RALY: variants seen among roughly 807,000 people sequenced by gnomAD.
RALY encodes the protein RNA-binding protein Raly.
Under a neutral mutation model 30.7 loss-of-function variants are expected in RALY, and 15 were observed. The ratio of observed to expected loss-of-function variants is 0.49; its 90% CI spans 0.33 to 0.75. RALY has a LOEUF of 0.75. Among genes scored for constraint, RALY ranks in the 30% least tolerant of loss-of-function variants. RALY has a pLI of 0.02. For missense variants in RALY, 339 were observed against 414.3 expected (o/e 0.82, Z 1.58); for synonymous variants, 177 against 170.8 (o/e 1.04, Z -0.28).
intron 1 of RALY, among the ~76,000 whole-genome samples, chr20:34,010,214 C>G (rs564734372): frequency 6.6e-6 from 1 of 151,976 alleles, no homozygotes; most frequent in African/African-American, 2.4e-5. Flanking sequence ...GAATCAAAAC[C>G]GTTTTACTTA....
intron 1 of RALY, among the ~76,000 whole-genome samples, chr20:33,995,439 C>T (rs2030569982): frequency 6.6e-6 from 1 of 152,214 alleles, no homozygotes. Context: ...CTCAAGTCAT[C>T]TGCCTTCAAA....
chr20:34,038,917 T>C (rs1478769642), intron 2 of RALY, among the ~76,000 whole-genome samples: 3 of 152,154 alleles, frequency 2.0e-5, no homozygotes, highest in African/African-American at 4.8e-5. Flanking sequence ...GAGTGTCAGA[T>C]TGAAGTAGGA....
intron 1 of RALY, among the ~76,000 whole-genome samples, chr20:33,996,899 A>G (rs574355706): frequency 2.6e-4 from 39 of 152,280 alleles, no homozygotes; most frequent in Non-Finnish European, 5.1e-4. Context: ...TGTGCCTGCA[A>G]AGCTGGCACA....
chr20:34,015,862 C>T (rs868415971), intron 1 of RALY, among the ~76,000 whole-genome samples: 13 of 152,144 alleles, frequency 8.5e-5, no homozygotes, highest in African/African-American at 3.1e-4. Flanking sequence ...CACACACACA[C>T]ACAATTGATG....
intron 1 of RALY, among the ~76,000 whole-genome samples, chr20:34,004,921 T>G (rs1382351052): frequency 6.6e-6 from 1 of 152,224 alleles, no homozygotes; most frequent in Non-Finnish European, 1.5e-5. Context: ...TTGTGTAGTT[T>G]TACCAAATCA....
At chr20:34,058,226 G>T (rs1356462653) in intron 2 of RALY, among the ~76,000 whole-genome samples, 1 of 152,118 alleles carries the variant, frequency 6.6e-6, no homozygotes, top group African/African-American at 2.4e-5. Context: ...TATACCTGTC[G>T]TTTTGAGGGC....
intron 1 of RALY, among the ~76,000 whole-genome samples, chr20:34,015,718 A>G (rs2031580744): frequency 6.6e-6 from 1 of 152,180 alleles, no homozygotes; most frequent in Non-Finnish European, 1.5e-5. Flanking sequence ...GCCTTCAGGC[A>G]AAGCCAGGGC....
At chr20:34,042,598 G>A (rs915100980) in intron 2 of RALY, among the ~76,000 whole-genome samples, 2 of 152,188 alleles carry the variant, frequency 1.3e-5, no homozygotes, top group African/African-American at 2.4e-5. Context: ...CATAGAGTGA[G>A]CATGTGTCAG....
chr20:34,052,962 G>T (rs1230357765), intron 2 of RALY, among the ~76,000 whole-genome samples: 1 of 152,210 alleles, frequency 6.6e-6, no homozygotes, highest in Non-Finnish European at 1.5e-5. Flanking sequence ...GGCAGAGGAA[G>T]TTGGCTTTGG....
intron 2 of RALY, among the ~76,000 whole-genome samples, chr20:34,035,409 G>C (rs1032396880): frequency 3.3e-5 from 5 of 152,164 alleles, no homozygotes; most frequent in African/African-American, 1.2e-4. Context: ...CAACTTGGCA[G>C]GTAGGTGGTG....
At chr20:34,026,649 A>G (rs540132604) in intron 1 of RALY, among the ~76,000 whole-genome samples, 1 of 151,066 alleles carries the variant, frequency 6.6e-6, no homozygotes, top group East Asian at 2.0e-4. Flanking sequence ...TGATCTCGTG[A>G]TCCGCCCGCC....
At chr20:34,067,817 T>C (rs1601500481) in intron 2 of RALY, among the ~76,000 whole-genome samples, 1 of 13,398 alleles carries the variant, frequency 7.5e-5, no homozygotes, top group Admixed American at 6.9e-4. Context: ...TTCTTTTTTC[T>C]TTTTTTTTTT....
At position 34,070,595 on chromosome 20, in the gene RALY, A is replaced by G. The variant is rs915753852; in HGVS notation, c.-9-1471A>G. ...ATGTGCTGACTTTCTGTGGTATCTA[A>G]ATTGGCTTTAGCTCTGGGAAGCAAA... On this transcript the variant is annotated intron_variant, in intron 2 of 9. Transcript: ENST00000246194. Among the ~76,000 whole-genome samples, 3 of 152,214 alleles carry G rather than the reference A, an allele frequency of 2.0e-5. No homozygotes were observed. In the East Asian group the frequency reaches 5.8e-4, roughly 29 times the overall value.
intron 2 of RALY, among the ~76,000 whole-genome samples, chr20:34,063,423 G>A (rs1373265406): frequency 1.3e-5 from 2 of 152,192 alleles, no homozygotes; most frequent in African/African-American, 4.8e-5. Context: ...TCGGTCCAAA[G>A]CATGCAACTT....
chr20:34,044,384 T>G (rs1437102765), intron 2 of RALY, among the ~76,000 whole-genome samples: 1 of 151,986 alleles, frequency 6.6e-6, no homozygotes, highest in Admixed American at 6.6e-5. Context: ...GGAATGGCAA[T>G]GGCGTGATTT....
chr20:34,011,591 A>G (rs2067512747), intron 1 of RALY, among the ~76,000 whole-genome samples: 2 of 152,216 alleles, frequency 1.3e-5, no homozygotes, highest in African/African-American at 4.8e-5. Flanking sequence ...AACCATAAGC[A>G]GGAGTGGAAA....
intron 1 of RALY, among the ~76,000 whole-genome samples, chr20:34,027,740 T>C (rs2032097523): frequency 6.6e-6 from 1 of 152,212 alleles, no homozygotes; most frequent in Non-Finnish European, 1.5e-5. Context: ...TTTTGACTAA[T>C]TAGATAGAAG....
intron 1 of RALY, among the ~76,000 whole-genome samples, chr20:34,000,967 G>A (rs2300204): frequency 0.62 from 94,790 of 152,138 alleles, 30,805 homozygotes; most frequent in South Asian, 0.85. Flanking sequence ...TTGTGGAAGT[G>A]GCTTGAGAAT....
At chr20:34,049,116 G>A (rs1001314140) in intron 2 of RALY, 8 of 153,560 alleles carry the variant, frequency 5.2e-5, no homozygotes, top group African/African-American at 1.7e-4. Flanking sequence ...ATCTATGAAA[G>A]CCAGATTCAG....
Sources: allele counts gnomAD v4.1 joint callset (sites outside exome capture counted in the v4.1 genomes callset), GRCh38; gene constraint gnomAD v4.1.1; transcripts MANE v1.5; gene names NCBI Gene and HGNC (gene_info 2026-07-23, HGNC 2026-07-21).